Variants in DSCAM observed in about 807,000 individuals in gnomAD.
The protein encoded by DSCAM is cell adhesion molecule DSCAM.
DSCAM carries 47 observed loss-of-function variants against 217.7 expected under a neutral mutation model. The ratio of observed to expected loss-of-function variants is 0.22; its 90% CI spans 0.17 to 0.28. The LOEUF (loss-of-function observed/expected upper bound fraction) is 0.28. DSCAM is among the 10% of genes least tolerant of loss of function. DSCAM has a pLI of 1.00. For missense variants in DSCAM, 2,080 were observed against 2,618.3 expected, an observed-to-expected ratio of 0.79 and a Z score of 4.49; for synonymous variants, 1,056 against 1,015.3, an observed-to-expected ratio of 1.04 and a Z score of -0.76.
chr21:40,741,491 C>A (rs1169125524), intron 1 of DSCAM, among the ~76,000 whole-genome samples: 1 of 152,150 alleles, frequency 6.6e-6, no homozygotes, highest in African/African-American at 2.4e-5. Context: ...TTCCCCATAC[C>A]AACAACATCA....
At chr21:40,101,411 G>A (rs546172484) in intron 20 of DSCAM, among the ~76,000 whole-genome samples, 57 of 152,054 alleles carry the variant, frequency 3.7e-4, no homozygotes, top group East Asian at 1.9e-4. Flanking sequence ...CTGGCTCAGC[G>A]GTCCCCAGCC....
intron 11 of DSCAM, among the ~76,000 whole-genome samples, chr21:40,266,293 C>A (rs2073526167): frequency 6.6e-6 from 1 of 152,076 alleles, no homozygotes; most frequent in Non-Finnish European, 1.5e-5. Context: ...ATTAAAACCA[C>A]AATGAGATAC....
chr21:40,479,437 A>G lies in DSCAM; in HGVS notation c.509-110192T>C, dbSNP rs1169146354. Among the ~76,000 whole-genome samples, 3 of 152,290 alleles carry G rather than the reference A, an allele frequency of 2.0e-5. No homozygotes were observed. In the East Asian group the frequency reaches 5.8e-4, roughly 29 times the overall value. On this transcript the variant is annotated intron_variant, in intron 3 of 32. Coordinates refer to ENST00000400454, the MANE Select transcript of DSCAM (RefSeq NM_001389.5). ...TGTATTAGTCCATTTTCATACTCCT[A>G]TGAAGAAATATCCAAGATTGGGTAA... is the stretch of plus-strand genomic sequence containing the variant.
At chr21:40,172,470 C>T (rs1389983281) in intron 15 of DSCAM, among the ~76,000 whole-genome samples, 1 of 152,216 alleles carries the variant, frequency 6.6e-6, no homozygotes, top group Non-Finnish European at 1.5e-5. Flanking sequence ...CATGGATCTC[C>T]GCTTTGCTTC....
At chr21:40,422,700 G>A (rs1445433824) in intron 3 of DSCAM, among the ~76,000 whole-genome samples, 1 of 152,108 alleles carries the variant, frequency 6.6e-6, no homozygotes, top group Non-Finnish European at 1.5e-5. Context: ...TGTATATGTT[G>A]TTTTTCTGGA....
At chr21:40,485,950 T>C (rs2076024564) in intron 3 of DSCAM, among the ~76,000 whole-genome samples, 1 of 152,250 alleles carries the variant, frequency 6.6e-6, no homozygotes, top group South Asian at 2.1e-4. Flanking sequence ...AGGAGCCTCA[T>C]TTAAATCTAC....
intron 3 of DSCAM, among the ~76,000 whole-genome samples, chr21:40,436,910 T>C (rs2075588134): frequency 6.6e-6 from 1 of 152,224 alleles, no homozygotes; most frequent in Admixed American, 6.5e-5. Flanking sequence ...GTTTAATAAG[T>C]TATTGTAAAT....
intron 1 of DSCAM, among the ~76,000 whole-genome samples, chr21:40,725,374 C>G (rs77039511): frequency 6.6e-6 from 1 of 152,034 alleles, no homozygotes; most frequent in Admixed American, 6.5e-5. Context: ...AACCTGCGTC[C>G]GGGCTCCAGG....
At chr21:40,234,950 C>T (rs1180185483) in intron 11 of DSCAM, among the ~76,000 whole-genome samples, 2 of 152,160 alleles carry the variant, frequency 1.3e-5, no homozygotes, top group African/African-American at 4.8e-5. Flanking sequence ...TGCCCTATGT[C>T]TGCAATGATA....
intron 32 of DSCAM, among the ~76,000 whole-genome samples, chr21:40,033,299 C>T (rs942804714): frequency 1.3e-5 from 2 of 151,946 alleles, no homozygotes; most frequent in African/African-American, 4.8e-5. Flanking sequence ...AGACAGTGGG[C>T]GCAGGTCAGT....
intron 3 of DSCAM, among the ~76,000 whole-genome samples, chr21:40,520,169 C>T (rs1340137854): frequency 6.6e-6 from 1 of 151,954 alleles, no homozygotes; most frequent in Admixed American, 6.6e-5. Flanking sequence ...ATAAATTGCT[C>T]CTAGAATAAA....
chr21:40,589,522 G>A (rs546809932), intron 3 of DSCAM, among the ~76,000 whole-genome samples: 3 of 151,268 alleles, frequency 2.0e-5, no homozygotes, highest in African/African-American at 7.3e-5. Flanking sequence ...GTTGCAGTGA[G>A]CCGAGATCAC....
intron 3 of DSCAM, among the ~76,000 whole-genome samples, chr21:40,577,701 G>GT (rs1230969582): frequency 9.2e-5 from 14 of 152,154 alleles, no homozygotes; most frequent in Non-Finnish European, 1.5e-4. Context: ...AGAAAGGGGA[G>GT]GGGGGTCTAG....
intron 3 of DSCAM, among the ~76,000 whole-genome samples, chr21:40,445,764 A>G (rs1180549952): frequency 6.6e-6 from 1 of 152,210 alleles, no homozygotes; most frequent in Non-Finnish European, 1.5e-5. Context: ...CCTTCACTAC[A>G]TAGTAACTAT....
intron 32 of DSCAM, among the ~76,000 whole-genome samples, chr21:40,031,731 C>T (rs1057099393): frequency 6.6e-6 from 1 of 152,186 alleles, no homozygotes; most frequent in Non-Finnish European, 1.5e-5. Flanking sequence ...AAGAAGACAG[C>T]AAAGACCATC....
intron 1 of DSCAM, among the ~76,000 whole-genome samples, chr21:40,766,595 C>A (rs1363278317): frequency 6.6e-6 from 1 of 150,498 alleles, no homozygotes; most frequent in Non-Finnish European, 1.5e-5. Flanking sequence ...GAAAGCCTCA[C>A]CCAACTGACA....
intron 3 of DSCAM, among the ~76,000 whole-genome samples, chr21:40,420,982 C>A (rs554048853): frequency 2.6e-5 from 4 of 152,090 alleles, no homozygotes; most frequent in African/African-American, 9.6e-5. Context: ...GATGGCAGAC[C>A]CAGCATACTA....
At chr21:40,648,254 C>G (rs1207457974) in intron 3 of DSCAM, among the ~76,000 whole-genome samples, 1 of 148,998 alleles carries the variant, frequency 6.7e-6, no homozygotes, top group East Asian at 2.1e-4. Flanking sequence ...TCCCTGTACA[C>G]ACACACACAC....
intron 3 of DSCAM, among the ~76,000 whole-genome samples, chr21:40,535,462 A>C (rs1410190996): frequency 6.6e-6 from 1 of 152,236 alleles, no homozygotes; most frequent in East Asian, 1.9e-4. Context: ...TTCAGCCTTT[A>C]CCAATCAGGA....
Sources: gnomAD v4.1 joint callset for allele counts (sites outside exome capture counted in the v4.1 genomes callset) on GRCh38, gnomAD v4.1.1 for gene constraint, MANE v1.5 for transcripts, NCBI Gene and HGNC (gene_info 2026-07-23, HGNC 2026-07-21) for gene names.